RSPH14: variants seen among roughly 807,000 people sequenced by gnomAD.
The protein encoded by RSPH14 is radial spoke head 14 homolog.
Under a neutral mutation model 26.7 loss-of-function variants are expected in RSPH14, and 20 were observed. The ratio of observed to expected loss-of-function variants is 0.75; its 90% CI spans 0.53 to 1.09. The LOEUF is 1.09. RSPH14 is among the 50% of genes least tolerant of loss of function. The probability of loss-of-function intolerance (pLI) is 0.00; values close to 1 mark genes in which losing one functional copy is unlikely to be tolerated. For synonymous variants in RSPH14, 177 were observed against 189.3 expected (o/e 0.93, Z 0.53); for missense variants, 449 against 457.2 (o/e 0.98, Z 0.16).
chr22:23,170,271 G>C, the RSPH14 span, among the ~76,000 whole-genome samples: 1 of 152,168 alleles, frequency 6.6e-6, no homozygotes, highest in Non-Finnish European at 1.5e-5. Context: ...CCATAGTCTA[G>C]GTGGTTTTTA....
intron 4 of RSPH14, among the ~76,000 whole-genome samples, chr22:23,099,071 C>T (rs1282227222): frequency 6.6e-6 from 1 of 152,244 alleles, no homozygotes; most frequent in East Asian, 1.9e-4. Flanking sequence ...TCCTTCCGTG[C>T]TCAGCTTCCA....
the RSPH14 span, chr22:23,153,210 A>G: frequency 9.0e-7 from 1 of 1,112,058 alleles, no homozygotes; most frequent in Admixed American, 1.7e-5. Context: ...GAGCTCCTTC[A>G]CTGTGTCCAT....
chr22:23,156,156 A>T, the RSPH14 span: 1 of 804,460 alleles, frequency 1.2e-6, no homozygotes, highest in Non-Finnish European at 1.9e-6. Context: ...ACCCACTGAG[A>T]AAACACCAGG....
upstream of RSPH14, chr22:23,145,462 TCCCG>T: frequency 1.2e-6 from 2 of 1,610,018 alleles, no homozygotes; most frequent in Non-Finnish European, 1.7e-6. Flanking sequence ...AGCCCGCAGG[TCCCG>T]CGTGGCTCTC....
chr22:23,095,506 A>T (rs962698348), intron 4 of RSPH14: 72 of 636,144 alleles, frequency 1.1e-4, no homozygotes, highest in African/African-American at 3.7e-5. Flanking sequence ...CCCGCTGCAC[A>T]GAGCGCCATG....
At chr22:23,068,105 G>A (rs1021934807) in intron 4 of RSPH14, among the ~76,000 whole-genome samples, 3 of 152,212 alleles carry the variant, frequency 2.0e-5, no homozygotes, top group African/African-American at 7.2e-5. Flanking sequence ...ATCTGTGCAT[G>A]GGCAACGACC....
intron 4 of RSPH14, chr22:23,096,035 G>A (rs1315151887): frequency 6.2e-7 from 1 of 1,606,824 alleles, no homozygotes; most frequent in Non-Finnish European, 8.5e-7. Flanking sequence ...GACGGGCCCC[G>A]CTGAGAGCAA....
intron 4 of RSPH14, among the ~76,000 whole-genome samples, chr22:23,108,679 C>T (rs949649060): frequency 2.5e-4 from 38 of 152,260 alleles, no homozygotes; most frequent in African/African-American, 9.2e-4. Flanking sequence ...CTGGACCCTG[C>T]ATGCAATGTC....
Position 23,138,958 on chromosome 22 carries a change from A to AAC in RSPH14, c.200-17_200-16insGT. On this transcript the variant is annotated splice_polypyrimidine_tract_variant and intron_variant, in intron 2 of 6. Transcript: ENST00000216036. ...TCCATACAGCCTAGAAAAAAAAAAA[A>AAC]AAACAAACAAACCAACCCTTGAATT... The AAC allele has an allele frequency of 1.3e-6, 2 of 1,528,938 alleles. No homozygotes were observed. The highest frequency in any genetic ancestry group is 1.7e-4 in the Middle Eastern group (1 of 5,910). The allele number at this position is 1,528,938 out of a possible 1,614,324, so 94.7% of individuals were successfully genotyped here.
intron 4 of RSPH14, among the ~76,000 whole-genome samples, chr22:23,099,711 T>G (rs915137334): frequency 6.6e-6 from 1 of 152,170 alleles, no homozygotes; most frequent in Non-Finnish European, 1.5e-5. Flanking sequence ...CCCCTCGTCT[T>G]TAGTACATTC....
chr22:23,082,964 A>G (rs1601765823), intron 4 of RSPH14, among the ~76,000 whole-genome samples: 1 of 152,144 alleles, frequency 6.6e-6, no homozygotes, highest in African/African-American at 2.4e-5. Context: ...TCAAGATCAT[A>G]TTAAGGTGGG....
At chr22:23,133,414 A>G (rs1450983777) in intron 4 of RSPH14, among the ~76,000 whole-genome samples, 1 of 152,170 alleles carries the variant, frequency 6.6e-6, no homozygotes, top group African/African-American at 2.4e-5. Context: ...TGGTCTTATA[A>G]ATTGAAGATA....
At chr22:23,145,654 C>A, upstream of RSPH14, 1 of 1,304,746 alleles carries the variant, frequency 7.7e-7, no homozygotes. Flanking sequence ...GCGCCCACTT[C>A]CCGCCCCTAT....
chr22:23,119,385 G>C (rs1342151731), intron 4 of RSPH14, among the ~76,000 whole-genome samples: 1 of 152,192 alleles, frequency 6.6e-6, no homozygotes. Context: ...AACTTCAGCT[G>C]GTCAGGGTCC....
chr22:23,152,739 C>T, the RSPH14 span, among the ~76,000 whole-genome samples: 2,204 of 152,312 alleles, frequency 0.014, 19 homozygotes, highest in Non-Finnish European at 0.022. Flanking sequence ...AGGAGCCTGG[C>T]GCTTGTCAGA....
chr22:23,129,923 AAAG>A (rs1569192082), intron 4 of RSPH14, among the ~76,000 whole-genome samples: 1 of 151,288 alleles, frequency 6.6e-6, no homozygotes. Flanking sequence ...GCATCTCAGA[AAAG>A]AAGGAAGGAA....
chr22:23,060,344 G>A (rs542708340), intron 6 of RSPH14, among the ~76,000 whole-genome samples: 3 of 151,942 alleles, frequency 2.0e-5, no homozygotes, highest in African/African-American at 4.8e-5. Context: ...GGTGGCGGGC[G>A]CCTGTAGTCC....
At chr22:23,143,327 A>C (rs1444693543), upstream of RSPH14, among the ~76,000 whole-genome samples, 2 of 142,646 alleles carry the variant, frequency 1.4e-5, no homozygotes, top group Non-Finnish European at 3.0e-5. Flanking sequence ...AAATAAATAA[A>C]TAAATAGATA....
At chr22:23,093,172 A>G (rs1002078413) in intron 4 of RSPH14, among the ~76,000 whole-genome samples, 4 of 152,232 alleles carry the variant, frequency 2.6e-5, no homozygotes, top group African/African-American at 7.2e-5. Context: ...TGGGAGGGTC[A>G]TCTCAAGGCT....
Sources: gnomAD v4.1 joint callset for allele counts (sites outside exome capture counted in the v4.1 genomes callset) on GRCh38, gnomAD v4.1.1 for gene constraint, MANE v1.5 for transcripts, NCBI Gene and HGNC (gene_info 2026-07-23, HGNC 2026-07-21) for gene names.